Variants in MYH15 observed in about 807,000 individuals in gnomAD.
MYH15 encodes the protein myosin heavy chain 15.
In MYH15, 227 loss-of-function variants were observed where a neutral mutation model predicts 240.5. That is an observed-to-expected ratio of 0.94 (90% CI 0.85 to 1.05). MYH15 has a LOEUF of 1.05. Among genes scored for constraint, MYH15 ranks in the 50% least tolerant of loss-of-function variants. The pLI is 0.00. For missense variants in MYH15, 2,217 were observed against 2,247.5 expected (o/e 0.99, Z 0.27); for synonymous variants, 785 against 796.7 (o/e 0.99, Z 0.25).
intron 22 of MYH15, among the ~76,000 whole-genome samples, chr3:108,442,787 G>C (rs1190355300): frequency 8.1e-6 from 1 of 122,908 alleles, no homozygotes; most frequent in South Asian, 2.5e-4. Context: ...TTTTTTTTTT[G>C]GATTCTTTTG....
Position 108,384,690 on chromosome 3 carries a change from C to T in MYH15, c.5628G>A (p.Val1876=). ...KVQNYKQQVE[V]AETQANQYLS... is the part of the protein sequence containing the mutation. ...TGAAACTTCCCCAGGCACTCACCGC[C>T]ACCTCGACTTGCTGCTTGTAATTTT... The change falls in exon 39 of 41, where the codon GTG becomes GTA. Residue 1876 remains valine (V), a synonymous_variant. Transcript: ENST00000693548. 1 of 1,613,322 alleles carries T rather than the reference C, an allele frequency of 6.2e-7. No individual in the cohort carries two copies. Among genetic ancestry groups the T allele is most frequent in the South Asian group, 1.1e-5 (1 of 91,050 alleles).
At chr3:108,453,067 A>G (rs1374340452) in intron 21 of MYH15, among the ~76,000 whole-genome samples, 1 of 152,218 alleles carries the variant, frequency 6.6e-6, no homozygotes, top group Non-Finnish European at 1.5e-5. Flanking sequence ...AGCTTTCACA[A>G]TAACTTTTGA....
intron 32 of MYH15, among the ~76,000 whole-genome samples, chr3:108,407,591 C>T (rs114111032): frequency 0.013 from 1,912 of 152,234 alleles, 17 homozygotes; most frequent in Non-Finnish European, 0.021. Context: ...AACTGTGAAT[C>T]CATAACACTG....
intron 20 of MYH15, among the ~76,000 whole-genome samples, chr3:108,454,686 A>T (rs981111061): frequency 1.4e-5 from 2 of 138,684 alleles, no homozygotes; most frequent in Admixed American, 6.8e-5. Context: ...GTTCTAGAGT[A>T]AGGCACTTTT....
intron 9 of MYH15, among the ~76,000 whole-genome samples, chr3:108,486,993 A>ATT (rs2083311051): frequency 1.3e-5 from 2 of 152,354 alleles, no homozygotes; most frequent in Non-Finnish European, 1.5e-5. Context: ...CCCAGGGAAC[A>ATT]TTAGCAGGGC....
At chr3:108,534,761 G>C in the MYH15 span, among the ~76,000 whole-genome samples, 1 of 150,452 alleles carries the variant, frequency 6.6e-6, no homozygotes, top group African/African-American at 2.5e-5. Flanking sequence ...TGCACCTGTA[G>C]TCCCAGCTAC....
intron 11 of MYH15, among the ~76,000 whole-genome samples, chr3:108,482,398 G>A (rs887757193): frequency 6.6e-6 from 1 of 152,174 alleles, no homozygotes; most frequent in African/African-American, 2.4e-5. Context: ...CTCCAGCAAA[G>A]AACCTGAGAA....
At chr3:108,535,272 A>C in the MYH15 span, among the ~76,000 whole-genome samples, 10 of 152,088 alleles carry the variant, frequency 6.6e-5, no homozygotes, top group Admixed American at 3.3e-4. Context: ...CACAAACAGC[A>C]GAAATTTATT....
At chr3:108,398,507 C>T in intron 35 of MYH15, 130 bp downstream of exon 35, 2 of 666,266 alleles carry the variant, frequency 3.0e-6, no homozygotes, top group East Asian at 2.7e-5. Context: ...AGAGTATGAA[C>T]ATGCCTTGCT....
intron 7 of MYH15, among the ~76,000 whole-genome samples, chr3:108,494,622 T>C (rs1456172538): frequency 1.3e-5 from 2 of 152,068 alleles, no homozygotes; most frequent in Non-Finnish European, 2.9e-5. Flanking sequence ...GCCACTTGAG[T>C]AACTGAGACT....
chr3:108,458,829 C>T (rs939406776), intron 18 of MYH15, among the ~76,000 whole-genome samples: 1 of 151,354 alleles, frequency 6.6e-6, no homozygotes, highest in African/African-American at 2.4e-5. Context: ...ATAGCCACTA[C>T]CCAGAGTTAC....
chr3:108,443,126 A>AG (rs1319823791), intron 22 of MYH15, among the ~76,000 whole-genome samples: 1 of 152,196 alleles, frequency 6.6e-6, no homozygotes, highest in East Asian at 1.9e-4. Flanking sequence ...TATTCCCTAA[A>AG]CCAAAATATT....
chr3:108,488,458 C>T (rs1387907858), intron 9 of MYH15, among the ~76,000 whole-genome samples: 1 of 152,108 alleles, frequency 6.6e-6, no homozygotes, highest in Non-Finnish European at 1.5e-5. Flanking sequence ...CAGGTGTATG[C>T]CACCATGCTC....
Position 108,389,065 on chromosome 3 carries a change from G to T in MYH15, c.5440C>A (p.Leu1814Met). The change falls in exon 38 of 41, where the codon CTG (leucine) becomes ATG (methionine). Residue 1814 changes from leucine (L) to methionine (M), a missense_variant. Transcript: ENST00000693548. ...ATTTCACCCTCCAGTTCACCTTCCA[G>T]TTCACGAACCTGCAACCAAAACGTG... ...IQKLESRVRE[L>M]EGELEGEIRR... is the part of the protein sequence containing the mutation. The T allele has an allele frequency of 6.2e-7, 1 of 1,613,880 alleles. No individual in the cohort carries two copies. Among genetic ancestry groups the T allele is most frequent in the South Asian group, 1.1e-5 (1 of 91,052 alleles).
chr3:108,415,690 T>C (rs17609772), intron 29 of MYH15, among the ~76,000 whole-genome samples: 35,670 of 151,988 alleles, frequency 0.23, 4,804 homozygotes, highest in Non-Finnish European at 0.31. Context: ...CCTCTAAGAC[T>C]TCGGTGAAGG....
rs757099343 is a variant in MYH15, at chr3:108,460,254, A to G, written c.1932+46T>C. ...ATGTCAACTAAATAATAACATATGC[A>G]GATTGTGAGGCAATTAATATATGAA... On this transcript the variant is annotated intron_variant, in intron 17 of 40. Transcript: ENST00000693548. The G allele has an allele frequency of 4.3e-5, 60 of 1,402,936 alleles. No individual in the cohort carries two copies. The East Asian group carries it at 6.5e-4, about 15-fold the overall frequency. The allele number at this position is 1,402,936 out of a possible 1,614,324, so 86.9% of individuals were successfully genotyped here.
At chr3:108,436,846 AT>A (rs920884189) in intron 25 of MYH15, among the ~76,000 whole-genome samples, 1 of 152,110 alleles carries the variant, frequency 6.6e-6, no homozygotes, top group Non-Finnish European at 1.5e-5. Flanking sequence ...ATTTGGTATA[AT>A]CTAAATAAAT....
chr3:108,389,103 A>C, intron 37 of MYH15, 29 bp from the exon 38 acceptor site: 1 of 1,591,216 alleles, frequency 6.3e-7, no homozygotes, highest in Non-Finnish European at 8.6e-7. Context: ...CTCAGACCAG[A>C]CGCTGCCACC....
chr3:108,549,271 G>C, the MYH15 span, among the ~76,000 whole-genome samples: 1 of 150,642 alleles, frequency 6.6e-6, no homozygotes, highest in Non-Finnish European at 1.5e-5. Context: ...ACACACTTTT[G>C]CTTTTTTAAT....
Sources: gnomAD v4.1 joint callset for allele counts (sites outside exome capture counted in the v4.1 genomes callset) on GRCh38, gnomAD v4.1.1 for gene constraint, MANE v1.5 for transcripts, NCBI Gene and HGNC (gene_info 2026-07-23, HGNC 2026-07-21) for gene names.